The following PCDHGB3 variants were observed in gnomAD, a reference collection of about 807,000 sequenced individuals.
PCDHGB3 encodes the protein protocadherin gamma subfamily B, 3.
A neutral mutation model predicts 59.2 loss-of-function variants in PCDHGB3; 40 were observed. That is an observed-to-expected ratio of 0.68 (90% CI 0.52 to 0.88). The LOEUF (loss-of-function observed/expected upper bound fraction) is 0.88, where lower values mean the gene tolerates loss of function less well. PCDHGB3 is among the 40% of genes least tolerant of loss of function. The pLI is 0.00. For missense variants in PCDHGB3, 1,309 were observed against 1,187.9 expected (o/e 1.10, Z -1.50); for synonymous variants, 581 against 503.6 (o/e 1.15, Z -2.06).
rs1349935659 is a variant in PCDHGB3 at position 141,507,722 on chromosome 5, A to C, written c.2563+2241A>C. 6.6e-5 allele frequency among the ~76,000 whole-genome samples: 10 copies of C among 152,354 alleles called. No homozygotes were observed. In the East Asian group the frequency reaches 1.9e-3, roughly 29 times the overall value. ...ATTTATGGCCCCAAACCCTCCAAGC[A>C]AGTCATGCAGCTCGTTCCCCTGTCA... On this transcript the variant is annotated intron_variant, in intron 3 of 3. Coordinates refer to ENST00000576222, the MANE Select transcript of PCDHGB3 (RefSeq NM_018924.5).
chr5:141,440,481 T>C (rs1451820594), intron 1 of PCDHGB3: 1 of 152,196 alleles, frequency 6.6e-6, no homozygotes, highest in African/African-American at 2.4e-5. Context: ...GAAAATTCTT[T>C]AAATGTTTTT....
At chr5:141,496,164 C>T (rs745320704) in intron 2 of PCDHGB3, among the ~76,000 whole-genome samples, 1 of 152,084 alleles carries the variant, frequency 6.6e-6, no homozygotes, top group Non-Finnish European at 1.5e-5. Context: ...CCACCAGACA[C>T]CCTCCCATCC....
intron 1 of PCDHGB3, among the ~76,000 whole-genome samples, chr5:141,454,252 A>T (rs1288181537): frequency 6.6e-6 from 1 of 152,214 alleles, no homozygotes; most frequent in Non-Finnish European, 1.5e-5. Context: ...AAGATGTCCC[A>T]GAGAAAGTAA....
chr5:141,497,100 T>A (rs886445893), intron 2 of PCDHGB3, among the ~76,000 whole-genome samples: 2 of 151,774 alleles, frequency 1.3e-5, no homozygotes, highest in Non-Finnish European at 2.9e-5. Context: ...GAGGCAGAAC[T>A]GCTTGAACCC....
rs780029376 is a variant in PCDHGB3 at position 141,375,319 on chromosome 5, G to A, written c.2415+2510G>A. On this transcript the variant is annotated intron_variant, in intron 1 of 3. Coordinates refer to ENST00000576222, the MANE Select transcript of PCDHGB3 (RefSeq NM_018924.5). ...TAGTGACAAATGCAGCTCTAGACCG[G>A]GAAGAGGTATTCTTGTACAACATCA... The A allele has an allele frequency of 9.3e-6, 15 of 1,613,770 alleles. No homozygotes were observed. The South Asian group carries it at 1.5e-4, about 17-fold the overall frequency.
At chr5:141,388,887 G>C in intron 1 of PCDHGB3, 1 of 1,613,988 alleles carries the variant, frequency 6.2e-7, no homozygotes, top group Non-Finnish European at 8.5e-7. Context: ...GGAGGTAGAA[G>C]TCATAGATGA....
chr5:141,399,199 C>T (rs2093768918), intron 1 of PCDHGB3: 8 of 1,613,876 alleles, frequency 5.0e-6, no homozygotes, highest in Non-Finnish European at 6.8e-6. Flanking sequence ...AAACGCGGTG[C>T]CTGGAACACT....
chr5:141,373,239 T>C (rs1466756322), intron 1 of PCDHGB3, among the ~76,000 whole-genome samples: 1 of 152,238 alleles, frequency 6.6e-6, no homozygotes, highest in Non-Finnish European at 1.5e-5. Flanking sequence ...ATATTTTTAC[T>C]TCCCTTTGCA....
chr5:141,503,046 G>T (rs1187153008), intron 2 of PCDHGB3, among the ~76,000 whole-genome samples: 1 of 151,658 alleles, frequency 6.6e-6, no homozygotes, highest in Non-Finnish European at 1.5e-5. Flanking sequence ...GTTGAGACAG[G>T]GTTTCACCAT....
Position 141,485,870 on chromosome 5 carries a change from C to T in PCDHGB3, c.2416-8937C>T. The stretch of plus-strand genomic sequence containing the variant: ...CACCGCAGAGCTCCGGGTATCCGTG[C>T]TGGACGTAAACGACAACGCCCCAGC... On this transcript the variant is annotated intron_variant, in intron 1 of 3. Coordinates refer to ENST00000576222, the MANE Select transcript of PCDHGB3 (RefSeq NM_018924.5). This position sits in a 1 kb window ranked among gnomAD's most constrained non-coding sequence, Gnocchi z 5.7. 6.2e-7 allele frequency: 1 copy of T among 1,614,174 alleles called. No homozygotes were observed. The highest frequency in any genetic ancestry group is 8.5e-7 in the Non-Finnish European group (1 of 1,180,032).
chr5:141,491,131 G>A lies in PCDHGB3; in HGVS notation c.2416-3676G>A. 1 of 1,614,182 alleles carries A rather than the reference G, an allele frequency of 6.2e-7. No individual in the cohort carries two copies. Among genetic ancestry groups the A allele is most frequent in the Non-Finnish European group, 8.5e-7 (1 of 1,180,008 alleles). ...TACACACACTGGTGAGGTGCGCACA[G>A]CCCGGGCCTTACTGGAGGATGACTC... On this transcript the variant is annotated intron_variant, in intron 1 of 3. Coordinates refer to ENST00000576222, the MANE Select transcript of PCDHGB3 (RefSeq NM_018924.5). This position sits in a 1 kb window ranked among gnomAD's most constrained non-coding sequence, Gnocchi z 6.9.
In PCDHGB3 at chr5:141,486,565, T is replaced by C; in HGVS notation, c.2416-8242T>C. ...TTCAGAGGTCACATGAGGTGTTTGT[T>C]CCTGAGAACAATCGCCCAGGGGACC... On this transcript the variant is annotated intron_variant, in intron 1 of 3. Coordinates refer to ENST00000576222, the MANE Select transcript of PCDHGB3 (RefSeq NM_018924.5). The surrounding 1 kb of genome is among the most constrained non-coding windows in gnomAD (Gnocchi z 5.0). 6.2e-7 allele frequency: 1 copy of C among 1,614,024 alleles called. No homozygotes were observed. Among genetic ancestry groups the C allele is most frequent in the Non-Finnish European group, 8.5e-7 (1 of 1,180,032 alleles).
intron 1 of PCDHGB3, chr5:141,412,903 G>T: frequency 5.3e-6 from 2 of 376,030 alleles, no homozygotes; most frequent in East Asian, 4.2e-5. Flanking sequence ...ACTTTCCATT[G>T]CATGTATCAC....
intron 1 of PCDHGB3, chr5:141,382,678 C>T (rs1778365964): frequency 2.3e-6 from 1 of 439,006 alleles, no homozygotes; most frequent in African/African-American, 2.0e-5. Flanking sequence ...TGTTCACCAA[C>T]CAGGGAAAAA....
chr5:141,500,554 C>A (rs2099801320), intron 2 of PCDHGB3, among the ~76,000 whole-genome samples: 1 of 152,212 alleles, frequency 6.6e-6, no homozygotes, highest in Admixed American at 6.5e-5. Context: ...AAGTTGTTCA[C>A]AAACTTGTCA....
At chr5:141,399,798 G>A in intron 1 of PCDHGB3, 1 of 1,613,236 alleles carries the variant, frequency 6.2e-7, no homozygotes. Context: ...ACGCACCGCG[G>A]GTGCTGTACC....
At position 141,404,150 on chromosome 5, in the gene PCDHGB3, G is replaced by A. The variant is rs1325217999; in HGVS notation, c.2415+31341G>A. ...TTTTACATTAGAAAATTCAGAAGAA[G>A]ATTATTACAGATTGTTGACGGCCCA... is the stretch of plus-strand genomic sequence containing the variant. On this transcript the variant is annotated intron_variant, in intron 1 of 3. Coordinates refer to ENST00000576222, the MANE Select transcript of PCDHGB3 (RefSeq NM_018924.5). 5.0e-6 allele frequency: 8 copies of A among 1,612,830 alleles called. 1 individual carries two copies. In the Middle Eastern group the frequency reaches 6.6e-4, roughly 133 times the overall value.
At chr5:141,459,075 G>T (rs562572838) in intron 1 of PCDHGB3, among the ~76,000 whole-genome samples, 1 of 152,134 alleles carries the variant, frequency 6.6e-6, no homozygotes, top group Non-Finnish European at 1.5e-5. Context: ...CATAAAATTT[G>T]CCTTTTAAAA....
Position 141,505,420 on chromosome 5 carries a change from C to G in PCDHGB3, c.2502C>G (p.Thr834=), listed in dbSNP as rs1236398971. 6.2e-7 allele frequency: 1 copy of G among 1,614,102 alleles called. No individual in the cohort carries two copies. Among genetic ancestry groups the G allele is most frequent in the Non-Finnish European group, 8.5e-7 (1 of 1,180,034 alleles). ...SGSQNGDDTG[T]WPNNQFDTEM... is the part of the protein sequence containing the mutation. ...CCCAAAATGGCGATGACACCGGCACCTGGCCCAACAACCAGTTTGACACAG... is the reference window on the plus strand; with the variant it reads ...CCCAAAATGGCGATGACACCGGCACGTGGCCCAACAACCAGTTTGACACAG... The change falls in exon 3 of 4, where the codon ACC becomes ACG. Residue 834 remains threonine (T), a synonymous_variant. Coordinates refer to ENST00000576222, the MANE Select transcript of PCDHGB3 (RefSeq NM_018924.5).
Sources: gnomAD v4.1 joint callset for allele counts (sites outside exome capture counted in the v4.1 genomes callset) on GRCh38, gnomAD v4.1.1 for gene constraint, Gnocchi (gnomAD v3.1) non-coding constraint, MANE v1.5 for transcripts, NCBI Gene and HGNC (gene_info 2026-07-23, HGNC 2026-07-21) for gene names.